Variants in CFAP47 observed in about 807,000 individuals in gnomAD.
CFAP47 encodes the protein cilia- and flagella-associated protein 47.
A neutral mutation model predicts 148.1 loss-of-function variants in CFAP47; 29 were observed. That is an observed-to-expected ratio of 0.20 (90% confidence interval 0.15 to 0.27). CFAP47 has a LOEUF of 0.27. Ranked by LOEUF, CFAP47 falls within the 10% of genes least tolerant of loss-of-function variation. The pLI, the probability that CFAP47 is intolerant of heterozygous loss-of-function variation, is 1.00. For synonymous variants in CFAP47, 664 were observed against 577.3 expected, an observed-to-expected ratio of 1.15 and a Z score of -2.15; for missense variants, 1,872 against 1,697.5, an observed-to-expected ratio of 1.10 and a Z score of -1.81.
intron 3 of CFAP47, among the ~76,000 whole-genome samples, chrX:35,944,166 G>A (rs1026481800): frequency 2.2e-4 from 24 of 111,156 alleles, no homozygotes; most frequent in African/African-American, 7.8e-4. Context: ...GGAATCAACT[G>A]TAAACCAGGA....
In CFAP47 at chrX:35,926,066, A is replaced by G; in HGVS notation, c.299A>G (p.Gln100Arg). Reference sequence around the variant, plus strand: ...GATAAAGAACTTGCTTCTGGCCTTCAGATGACAGCTATGGTGGAATATCAT... The same window carrying G: ...GATAAAGAACTTGCTTCTGGCCTTCGGATGACAGCTATGGTGGAATATCAT... Reference protein sequence around the residue: ...SLDKELASGLQMTAMVEYHPD... With the variant: ...SLDKELASGLRMTAMVEYHPD... Residue 100 changes from glutamine to arginine, a missense_variant, in exon 2 of 64, where the codon CAG (glutamine) becomes CGG (arginine). Coordinates refer to ENST00000378653, the MANE Select transcript of CFAP47 (RefSeq NM_001304548.2). The G allele has an allele frequency of 8.3e-7, 1 of 1,205,572 alleles. No individual in the cohort carries two copies. The highest frequency in any genetic ancestry group is 1.1e-6 in the Non-Finnish European group (1 of 890,080).
intron 22 of CFAP47, among the ~76,000 whole-genome samples, chrX:36,025,289 C>T (rs1005679097): frequency 9.0e-6 from 1 of 110,881 alleles, no homozygotes; most frequent in African/African-American, 3.3e-5. Flanking sequence ...AAGGGTTGTA[C>T]CGTTTTACTC....
intron 46 of CFAP47, among the ~76,000 whole-genome samples, chrX:36,232,968 T>C (rs1318024053): frequency 1.8e-5 from 2 of 112,291 alleles, no homozygotes; most frequent in African/African-American, 3.2e-5. Context: ...GATTGCACTG[T>C]GGTCTGAGAG....
intron 19 of CFAP47, among the ~76,000 whole-genome samples, chrX:36,000,057 A>G (rs1041443943): frequency 3.6e-5 from 4 of 111,378 alleles, no homozygotes; most frequent in Admixed American, 1.9e-4. Context: ...ATACAGTTAC[A>G]ATATGGACAA....
At chrX:35,929,258 TTACTA>T (rs1935790185) in intron 2 of CFAP47, among the ~76,000 whole-genome samples, 1 of 111,874 alleles carries the variant, frequency 8.9e-6, no homozygotes, top group Non-Finnish European at 1.9e-5. Context: ...ATAGACATCT[TTACTA>T]TAGTAATTCT....
chrX:36,167,641 G>A (rs756781697), intron 39 of CFAP47, among the ~76,000 whole-genome samples: 2 of 111,056 alleles, frequency 1.8e-5, no homozygotes, highest in Non-Finnish European at 3.8e-5. Flanking sequence ...GAAGATGTTG[G>A]TATCCCATGC....
At chrX:36,057,304 A>G (rs1937562464) in intron 26 of CFAP47, among the ~76,000 whole-genome samples, 1 of 112,132 alleles carries the variant, frequency 8.9e-6, no homozygotes, top group Non-Finnish European at 1.9e-5. Context: ...TTCCAGGTTG[A>G]TGCTGTGCAA....
At chrX:35,969,269 T>A (rs1460437385) in intron 10 of CFAP47, among the ~76,000 whole-genome samples, 1 of 111,325 alleles carries the variant, frequency 9.0e-6, no homozygotes, top group Non-Finnish European at 1.9e-5. Context: ...GTGTATTTAC[T>A]TGTTGATAAT....
rs1258923596 is a variant in CFAP47, at chrX:36,078,650, CTT to C, written c.4691+5288_4691+5289del. Among the ~76,000 whole-genome samples, 9 of 111,202 alleles carry C rather than the reference CTT, an allele frequency of 8.1e-5. No homozygotes were observed. In the East Asian group the frequency reaches 8.6e-4, roughly 11 times the overall value. Reference sequence around the variant, plus strand: ...TACAGCACACTGATGGGTCTTGACTCTTTATCCAATCTGCCAGTCTGTGTCTT... The same window carrying C: ...TACAGCACACTGATGGGTCTTGACTCTATCCAATCTGCCAGTCTGTGTCTT... On this transcript the variant is annotated intron_variant, in intron 29 of 63. Coordinates refer to ENST00000378653, the MANE Select transcript of CFAP47 (RefSeq NM_001304548.2).
chrX:36,149,671 C>T lies in CFAP47; in HGVS notation c.5786+448C>T, dbSNP rs180685979. 5.3e-3 allele frequency among the ~76,000 whole-genome samples: 567 copies of T among 107,629 alleles called. 2 individuals are homozygous for T. The highest frequency in any genetic ancestry group is 0.018 in the African/African-American group (533 of 29,414). The allele number at this position is 107,629 out of a possible 115,157, so 93.5% of individuals were successfully genotyped here. ...TCGCCCAGGCTGGAGTGCAGTGGCA[C>T]GATCTTGGCTAACTGCAACCTCTGC... On this transcript the variant is annotated intron_variant, in intron 37 of 63. Transcript: ENST00000378653.
chrX:36,058,227 C>T (rs1050648406), intron 26 of CFAP47, among the ~76,000 whole-genome samples: 6 of 111,959 alleles, frequency 5.4e-5, no homozygotes, highest in African/African-American at 1.9e-4. Context: ...AAAATACTTA[C>T]ATTTTATTAC....
At chrX:35,965,877 T>G (rs1171345276) in intron 8 of CFAP47, among the ~76,000 whole-genome samples, 1 of 111,177 alleles carries the variant, frequency 9.0e-6, no homozygotes, top group Non-Finnish European at 1.9e-5. Flanking sequence ...AAAGCTGAAT[T>G]TTAAAGAATG....
chrX:35,947,275 A>G (rs1936097203), intron 3 of CFAP47, among the ~76,000 whole-genome samples: 1 of 109,802 alleles, frequency 9.1e-6, no homozygotes, highest in African/African-American at 3.3e-5. Flanking sequence ...TGACTGATCT[A>G]GGCTGGGCTC....
chrX:36,356,757 A>G (rs1167373598), intron 60 of CFAP47, among the ~76,000 whole-genome samples: 1 of 111,360 alleles, frequency 9.0e-6, no homozygotes. Flanking sequence ...GTTGTCTCCT[A>G]AGTCCCTTCT....
In CFAP47 at chrX:35,967,784, A is replaced by G. The variant is rs1388916101; in HGVS notation, c.1766A>G (p.Asn589Ser). Reference sequence around the variant, plus strand: ...AAGGATATGCTATTAGCCTTTCCCAATGACCGAGCTGCAACTATCAGGTCT... The same window carrying G: ...AAGGATATGCTATTAGCCTTTCCCAGTGACCGAGCTGCAACTATCAGGTCT... ...PVKDMLLAFP[N>S]DRAATIRSKD... Residue 589 changes from asparagine (N) to serine (S), a missense_variant, in exon 10 of 64, where the codon AAT (asparagine) becomes AGT (serine). Asn to Ser is a conservative substitution (Grantham distance 46). Transcript: ENST00000378653. 6.6e-6 allele frequency: 8 copies of G among 1,206,455 alleles called. No individual in the cohort carries two copies. Among genetic ancestry groups the G allele is most frequent in the Admixed American group, 2.2e-5 (1 of 45,318 alleles).
chrX:36,285,092 C>T (rs782053680), intron 50 of CFAP47, among the ~76,000 whole-genome samples: 4 of 111,151 alleles, frequency 3.6e-5, no homozygotes, highest in South Asian at 7.5e-4. Flanking sequence ...AATTGTCTCA[C>T]GACTTAGTCT....
At chrX:35,930,867 T>G (rs1209315620) in intron 2 of CFAP47, among the ~76,000 whole-genome samples, 2 of 111,994 alleles carry the variant, frequency 1.8e-5, no homozygotes, top group Non-Finnish European at 3.8e-5. Context: ...TTTATCAACT[T>G]TATATTTTTT....
chrX:36,324,831 C>A (rs1316499732), intron 57 of CFAP47, among the ~76,000 whole-genome samples: 1 of 110,668 alleles, frequency 9.0e-6, no homozygotes, highest in Admixed American at 9.7e-5. Context: ...CATTTTTTTT[C>A]TAGATGAAAT....
At chrX:35,999,587 TA>T (rs926600426) in intron 19 of CFAP47, among the ~76,000 whole-genome samples, 1 of 111,937 alleles carries the variant, frequency 8.9e-6, no homozygotes, top group African/African-American at 3.2e-5. Flanking sequence ...TATAAGTAAA[TA>T]AAAGAAACAG....
Sources: gnomAD v4.1 joint callset for allele counts (sites outside exome capture counted in the v4.1 genomes callset) on GRCh38, gnomAD v4.1.1 for gene constraint, MANE v1.5 for transcripts, NCBI Gene and HGNC (gene_info 2026-07-23, HGNC 2026-07-21) for gene names.